The following ARID4A variants were observed in gnomAD, a reference collection of about 807,000 sequenced individuals.
ARID4A encodes the protein AT-rich interaction domain 4A, also known as AT-rich interactive domain-containing protein 4A.
In ARID4A, 39 loss-of-function variants were observed where a neutral mutation model predicts 148.6. The ratio of observed to expected loss-of-function variants is 0.26; its 90% CI spans 0.20 to 0.34. The LOEUF (loss-of-function observed/expected upper bound fraction) is 0.34, where lower values mean the gene tolerates loss of function less well. Among genes scored for constraint, ARID4A ranks in the 10% least tolerant of loss-of-function variants. The pLI is 1.00. For synonymous variants in ARID4A, 475 were observed against 481.2 expected, an observed-to-expected ratio of 0.99 and a Z score of 0.17; for missense variants, 1,265 against 1,449.1, an observed-to-expected ratio of 0.87 and a Z score of 2.06.
intron 5 of ARID4A, among the ~76,000 whole-genome samples, chr14:58,314,895 G>C (rs552364964): frequency 2.6e-5 from 4 of 152,276 alleles, no homozygotes; most frequent in South Asian, 2.1e-4. Flanking sequence ...AAGGTGGGTG[G>C]AACACTTGAG....
At chr14:58,313,662 C>G (rs1356934845) in intron 5 of ARID4A, among the ~76,000 whole-genome samples, 1 of 152,156 alleles carries the variant, frequency 6.6e-6, no homozygotes, top group Non-Finnish European at 1.5e-5. Context: ...AATAGCTAGG[C>G]TCTATCCAAG....
At chr14:58,329,803 A>G (rs2033418927) in intron 10 of ARID4A, among the ~76,000 whole-genome samples, 199 bp downstream of exon 10, 1 of 152,120 alleles carries the variant, frequency 6.6e-6, no homozygotes, top group Non-Finnish European at 1.5e-5. Flanking sequence ...GTATTTTACC[A>G]TTGTCTCACA....
At position 58,365,561 on chromosome 14, in the gene ARID4A, A is replaced by G. The variant is rs1343345650; in HGVS notation, c.3255A>G (p.Lys1085=). ...PSDGNSGLMA[K]KQKRTPKRTS... ...ATGGAAATAGTGGATTAATGGCAAAAAAGCAAAAGCGTACCCCAAAGCGAA... is the reference window on the plus strand; with the variant it reads ...ATGGAAATAGTGGATTAATGGCAAAGAAGCAAAAGCGTACCCCAAAGCGAA... The change falls in exon 21 of 24, where the codon AAA becomes AAG. Residue 1085 remains lysine (K), a synonymous_variant. Coordinates refer to ENST00000355431, the MANE Select transcript of ARID4A (RefSeq NM_002892.4). 4 of 1,613,106 alleles carry G rather than the reference A, an allele frequency of 2.5e-6. No homozygotes were observed. Among genetic ancestry groups the G allele is most frequent in the Admixed American group, 1.7e-5 (1 of 59,904 alleles).
At chr14:58,319,346 C>T (rs1218191332) in intron 7 of ARID4A, among the ~76,000 whole-genome samples, 3 of 151,802 alleles carry the variant, frequency 2.0e-5, no homozygotes, top group African/African-American at 4.8e-5. Flanking sequence ...GGATTACAGG[C>T]GTGAGCCACC....
intron 14 of ARID4A, 34 bp from the exon 15 acceptor site, chr14:58,347,611 CTG>C (rs772544671): frequency 4.6e-5 from 67 of 1,448,334 alleles, no homozygotes; most frequent in Non-Finnish European, 6.2e-5. Flanking sequence ...GATGCAAAGA[CTG>C]TAAGATTTCT....
chr14:58,313,269 G>A lies in ARID4A; in HGVS notation c.275-5273G>A, dbSNP rs549621189. ...CTTTTTAGCACCAGGGACCGGTTTCGTGAGAGACAATTTTTCCATGGATGG... is the reference window on the plus strand; with the variant it reads ...CTTTTTAGCACCAGGGACCGGTTTCATGAGAGACAATTTTTCCATGGATGG... On this transcript the variant is annotated intron_variant, in intron 5 of 23. Coordinates refer to ENST00000355431, the MANE Select transcript of ARID4A (RefSeq NM_002892.4). Among the ~76,000 whole-genome samples the A allele has an allele frequency of 3.3e-5, 5 of 152,306 alleles. 1 individual carries two copies. In the South Asian group the frequency reaches 6.2e-4, roughly 19 times the overall value.
chr14:58,337,246 TTATATA>T lies in ARID4A; in HGVS notation c.906+7094_906+7099del, dbSNP rs57605969. Among the ~76,000 whole-genome samples, 174 of 83,818 alleles carry T rather than the reference TTATATA, an allele frequency of 2.1e-3. 13 individuals carry two copies. The highest frequency in any genetic ancestry group is 6.9e-3 in the African/African-American group (166 of 24,120). The allele number at this position is 83,818 out of a possible 152,430, so 55.0% of individuals were successfully genotyped here. A position where few individuals can be genotyped will look rare whatever the true frequency, so the allele number is the denominator to read the frequency against. On this transcript the variant is annotated intron_variant, in intron 11 of 23. Transcript: ENST00000355431. ...AAATCTCCTAGAACCTTCTCTTTAT[TTATATA>T]TATATATATATATATAATTAAAACC...
rs550934438 is a variant in ARID4A, at chr14:58,373,636, C to T, written c.*1647C>T. On this transcript the variant is annotated 3_prime_UTR_variant, in exon 24 of 24. Coordinates refer to ENST00000355431, the MANE Select transcript of ARID4A (RefSeq NM_002892.4). ...ACAAAAAAAGTACTCTTGTAAAATG[C>T]ACTTTTCTGTCTTTTCTTTGCAAAG... is the stretch of plus-strand genomic sequence containing the variant. 1.7e-5 allele frequency: 3 copies of T among 176,068 alleles called. No individual in the cohort carries two copies. Among genetic ancestry groups the T allele is most frequent in the South Asian group, 4.0e-4 (2 of 5,024 alleles). The allele number at this position is 176,068 out of a possible 1,614,324, so 10.9% of individuals were successfully genotyped here. A position where few individuals can be genotyped will look rare whatever the true frequency, so the allele number is the denominator to read the frequency against.
At chr14:58,318,217 ATTCT>A (rs1409275980) in intron 5 of ARID4A, among the ~76,000 whole-genome samples, 4 of 152,138 alleles carry the variant, frequency 2.6e-5, no homozygotes, top group South Asian at 2.1e-4. Flanking sequence ...GTTTTTGTTC[ATTCT>A]TCTAGGATTG....
At chr14:58,311,567 TC>T (rs1298293397) in intron 5 of ARID4A, among the ~76,000 whole-genome samples, 1 of 152,162 alleles carries the variant, frequency 6.6e-6, no homozygotes. Flanking sequence ...TACCATATGA[TC>T]CAGCAATCCC....
At chr14:58,369,414 C>T (rs1594975696) in intron 23 of ARID4A, among the ~76,000 whole-genome samples, 1 of 151,686 alleles carries the variant, frequency 6.6e-6, no homozygotes, top group African/African-American at 2.4e-5. Context: ...TCACTGGAGG[C>T]CAGGAGTTTA....
intron 11 of ARID4A, among the ~76,000 whole-genome samples, chr14:58,332,043 AAG>A (rs2033559250): frequency 6.9e-6 from 1 of 145,434 alleles, no homozygotes; most frequent in Non-Finnish European, 1.5e-5. Context: ...AGAGGGTAAA[AAG>A]AGCTTTGTAG....
At chr14:58,369,213 A>G (rs959401561) in intron 23 of ARID4A, among the ~76,000 whole-genome samples, 3 of 152,180 alleles carry the variant, frequency 2.0e-5, no homozygotes, top group African/African-American at 7.2e-5. Flanking sequence ...GTCATCAAAG[A>G]TATTTTTAAA....
Position 58,365,320 on chromosome 14 carries a change from A to C in ARID4A, c.3211+20A>C, listed in dbSNP as rs756949573. Reference sequence around the variant, plus strand: ...AGAAGGGTAAGGACTTTCTAGGGAAAAGTAAGTGTTTATATGAAACCAAAA... The same window carrying C: ...AGAAGGGTAAGGACTTTCTAGGGAACAGTAAGTGTTTATATGAAACCAAAA... On this transcript the variant is annotated intron_variant, in intron 20 of 23. Transcript: ENST00000355431. 3.2e-6 allele frequency: 5 copies of C among 1,587,074 alleles called. No homozygotes were observed. The East Asian group carries it at 1.1e-4, about 35-fold the overall frequency.
rs574989922 is a variant in ARID4A at position 58,311,255 on chromosome 14, TAAATG to T, written c.274+5147_274+5151del. Among the ~76,000 whole-genome samples the T allele has an allele frequency of 2.8e-3, 423 of 151,722 alleles. 3 individuals are homozygous for T. The highest frequency in any genetic ancestry group is 6.2e-3 in the African/African-American group (256 of 41,400). ...AGCAAGACTCCAATCTAAAAAAAAATAAATGAAAATAATAGGCAAAGGACCTGAAT... is the reference window on the plus strand; with the variant it reads ...AGCAAGACTCCAATCTAAAAAAAAATAAAATAATAGGCAAAGGACCTGAAT... On this transcript the variant is annotated intron_variant, in intron 5 of 23. Transcript: ENST00000355431.
At chr14:58,327,921 CCTT>C (rs2033306842) in intron 8 of ARID4A, among the ~76,000 whole-genome samples, 1 of 152,166 alleles carries the variant, frequency 6.6e-6, no homozygotes, top group Admixed American at 6.5e-5. Flanking sequence ...CATTTGTCCA[CCTT>C]GACCTCCCAA....
chr14:58,354,688 TAAAAAAAA>T (rs201953201), intron 17 of ARID4A, among the ~76,000 whole-genome samples: 4 of 123,464 alleles, frequency 3.2e-5, no homozygotes, highest in Non-Finnish European at 1.7e-5. Flanking sequence ...GTCTCATAAA[TAAAAAAAA>T]AAAAAAAGAA....
chr14:58,343,226 A>G (rs982253218), intron 11 of ARID4A, among the ~76,000 whole-genome samples: 1 of 152,208 alleles, frequency 6.6e-6, no homozygotes, highest in Admixed American at 6.5e-5. Context: ...GTGATTATTA[A>G]CTTTGTAAAT....
At chr14:58,323,642 T>TA in intron 8 of ARID4A, 25 bp downstream of exon 8, 1 of 1,571,566 alleles carries the variant, frequency 6.4e-7, no homozygotes, top group Non-Finnish European at 8.7e-7. Context: ...TTTGCAGAGT[T>TA]AATCAGCCGT....
Sources: allele counts gnomAD v4.1 joint callset (sites outside exome capture counted in the v4.1 genomes callset), GRCh38; gene constraint gnomAD v4.1.1; transcripts MANE v1.5; gene names NCBI Gene and HGNC (gene_info 2026-07-23, HGNC 2026-07-21).